Variants in TMEM135 observed in about 807,000 individuals in gnomAD.
TMEM135 encodes the protein transmembrane protein 135.
Under a neutral mutation model 60.3 loss-of-function variants are expected in TMEM135, and 30 were observed. That is an observed-to-expected ratio of 0.50 (90% confidence interval 0.37 to 0.68). TMEM135 has a LOEUF of 0.68. Ranked by LOEUF, TMEM135 falls within the 30% of genes least tolerant of loss-of-function variation. The probability of loss-of-function intolerance (pLI) is 0.00; values close to 1 mark genes in which losing one functional copy is unlikely to be tolerated. For missense variants in TMEM135, 468 were observed against 548.8 expected (o/e 0.85, Z 1.47); for synonymous variants, 190 against 186.7 (o/e 1.02, Z -0.14).
intron 5 of TMEM135, among the ~76,000 whole-genome samples, chr11:87,171,174 G>T (rs888007737): frequency 1.3e-5 from 2 of 152,134 alleles, no homozygotes; most frequent in Admixed American, 6.5e-5. Flanking sequence ...AAAGCAGGGT[G>T]GGTGGTGTCA....
intron 1 of TMEM135, among the ~76,000 whole-genome samples, chr11:87,046,923 C>T (rs1949801363): frequency 6.6e-6 from 1 of 152,108 alleles, no homozygotes; most frequent in South Asian, 2.1e-4. Flanking sequence ...GCATTGTGAC[C>T]TTGAGCAAGG....
At chr11:87,093,245 A>T (rs1205772381) in intron 4 of TMEM135, among the ~76,000 whole-genome samples, 4 of 151,870 alleles carry the variant, frequency 2.6e-5, no homozygotes, top group Non-Finnish European at 1.5e-5. Context: ...TTTTGGTCTC[A>T]TTGTATTGCC....
chr11:87,247,955 A>T (rs4944679), intron 6 of TMEM135, among the ~76,000 whole-genome samples: 1 of 150,760 alleles, frequency 6.6e-6, no homozygotes, highest in Non-Finnish European at 1.5e-5. Context: ...CGTCGCTCAC[A>T]CTGGGGGCTT....
chr11:87,091,079 A>T lies in TMEM135; in HGVS notation c.363-283A>T, dbSNP rs554978135. 7.2e-5 allele frequency among the ~76,000 whole-genome samples: 11 copies of T among 152,198 alleles called. No homozygotes were observed. The South Asian group carries it at 2.3e-3, about 32-fold the overall frequency. On this transcript the variant is annotated intron_variant, in intron 3 of 14. Transcript: ENST00000305494. Reference sequence around the variant, plus strand: ...AGTAGGAAATTATACCACTCTTGCCAATAACAAATAACAATGGGGAAATAG... The same window carrying T: ...AGTAGGAAATTATACCACTCTTGCCTATAACAAATAACAATGGGGAAATAG...
intron 14 of TMEM135, among the ~76,000 whole-genome samples, chr11:87,320,313 G>C (rs1942799710): frequency 1.3e-5 from 2 of 152,156 alleles, no homozygotes; most frequent in Admixed American, 1.3e-4. Flanking sequence ...AAACCAGGCA[G>C]TCTGGCTTCA....
chr11:87,245,130 G>A (rs1941235491), intron 6 of TMEM135, among the ~76,000 whole-genome samples: 1 of 141,622 alleles, frequency 7.1e-6, no homozygotes, highest in African/African-American at 2.7e-5. Context: ...TTCAGGAGCA[G>A]GTTGTTCAGT....
chr11:87,318,302 G>T, intron 13 of TMEM135, 67 bp downstream of exon 13: 2 of 1,097,792 alleles, frequency 1.8e-6, no homozygotes, highest in South Asian at 2.5e-5. Context: ...AATCAAATGG[G>T]AGAGAAACAA....
rs760213621 is a variant in TMEM135 at position 87,321,418 on chromosome 11, G to A, written c.*85G>A. On this transcript the variant is annotated 3_prime_UTR_variant, in exon 15 of 15. Coordinates refer to ENST00000305494, the MANE Select transcript of TMEM135 (RefSeq NM_022918.4). ...AACACAAAGGAGGGGGCCCAAGCTC[G>A]AACTTCAGTGTTATTTCAGTTAGAG... The A allele has an allele frequency of 3.5e-6, 5 of 1,409,922 alleles. No individual in the cohort carries two copies. Among genetic ancestry groups the A allele is most frequent in the South Asian group, 3.5e-5 (3 of 86,856 alleles). The allele number at this position is 1,409,922 out of a possible 1,614,324, so 87.3% of individuals were successfully genotyped here. A position where few individuals can be genotyped will look rare whatever the true frequency, so the allele number is the denominator to read the frequency against.
At position 87,309,672 on chromosome 11, in the gene TMEM135, G is replaced by T; in HGVS notation, c.936G>T (p.Lys312Asn). Residue 312 changes from lysine to asparagine, a missense_variant and splice_region_variant, in exon 10 of 15, where the codon AAG (lysine) becomes AAT (asparagine). Transcript: ENST00000305494. ...AFLGSFVSIYKGTSCFLRWIR... is the reference protein window; with the variant it reads ...AFLGSFVSIYNGTSCFLRWIR... ...TTGGCTCTTTTGTTAGTATATACAA[G>T]GTAAGGCTTTTAGAAGAGGAAAGAA... 6.2e-7 allele frequency: 1 copy of T among 1,612,920 alleles called. No individual in the cohort carries two copies. The highest frequency in any genetic ancestry group is 1.1e-5 in the South Asian group (1 of 91,040).
intron 13 of TMEM135, 122 bp downstream of exon 13, chr11:87,318,357 TTTTTG>T (rs903134090): frequency 1.1e-5 from 9 of 806,182 alleles, no homozygotes; most frequent in Non-Finnish European, 1.8e-5. Flanking sequence ...TTAAGCTTCT[TTTTTG>T]TTTTGTTTTG....
At chr11:87,169,593 T>G (rs1391594055) in intron 5 of TMEM135, among the ~76,000 whole-genome samples, 1 of 152,152 alleles carries the variant, frequency 6.6e-6, no homozygotes, top group East Asian at 1.9e-4. Flanking sequence ...AATTCTGGGT[T>G]GAAAATCTTT....
At position 87,309,669 on chromosome 11, in the gene TMEM135, C is replaced by G; in HGVS notation, c.933C>G (p.Tyr311Ter). Residue 311 changes from tyrosine (Y) to a stop codon, truncating the protein, a stop_gained, in exon 10 of 15, where the codon TAC (tyrosine) becomes TAG (stop). Transcript: ENST00000305494. LOFTEE classifies it high-confidence loss of function. ...GAFLGSFVSIYKGTSCFLRWI... is the reference protein window; with the variant it reads ...GAFLGSFVSI ...TTCTTGGCTCTTTTGTTAGTATATA[C>G]AAGGTAAGGCTTTTAGAAGAGGAAA... 1 of 1,613,068 alleles carries G rather than the reference C, an allele frequency of 6.2e-7. No homozygotes were observed. Among genetic ancestry groups the G allele is most frequent in the Non-Finnish European group, 8.5e-7 (1 of 1,179,522 alleles).
intron 4 of TMEM135, among the ~76,000 whole-genome samples, chr11:87,112,811 G>GT (rs1239916291): frequency 4.6e-5 from 7 of 150,920 alleles, no homozygotes; most frequent in African/African-American, 7.3e-5. Flanking sequence ...TATGATAAGG[G>GT]TTTTTTTTTC....
At chr11:87,315,622 C>G (rs564751362) in intron 12 of TMEM135, among the ~76,000 whole-genome samples, 3 of 151,974 alleles carry the variant, frequency 2.0e-5, no homozygotes, top group African/African-American at 7.2e-5. Flanking sequence ...TACTATTACT[C>G]TTTATTCTGT....
chr11:87,157,924 C>T (rs897638614), intron 5 of TMEM135: 4 of 153,310 alleles, frequency 2.6e-5, no homozygotes, highest in Admixed American at 2.6e-4. Flanking sequence ...TTTCTATCAC[C>T]TCACATACAT....
intron 6 of TMEM135, among the ~76,000 whole-genome samples, chr11:87,293,840 A>G (rs1046255632): frequency 1.3e-5 from 2 of 152,196 alleles, no homozygotes; most frequent in Admixed American, 6.5e-5. Flanking sequence ...ATGTATCTTT[A>G]TAGTAGAATG....
chr11:87,180,032 A>C (rs74393381), intron 5 of TMEM135, among the ~76,000 whole-genome samples: 3,632 of 152,228 alleles, frequency 0.024, 60 homozygotes, highest in Middle Eastern at 0.037. Context: ...TGCACAACAG[A>C]TGCAGACAGA....
At chr11:87,120,475 T>TTTTTTTTC (rs1279242499) in intron 4 of TMEM135, among the ~76,000 whole-genome samples, 11 of 142,136 alleles carry the variant, frequency 7.7e-5, no homozygotes, top group Non-Finnish European at 1.2e-4. Flanking sequence ...GAAATTTCTT[T>TTTTTTTTC]TTTTTTTTTT....
intron 5 of TMEM135, among the ~76,000 whole-genome samples, chr11:87,229,494 G>A (rs972591211): frequency 2.0e-5 from 3 of 152,146 alleles, no homozygotes; most frequent in Admixed American, 2.0e-4. Flanking sequence ...ACTAGTGTAA[G>A]GGAATAGCTA....
Sources: allele counts gnomAD v4.1 joint callset (sites outside exome capture counted in the v4.1 genomes callset), GRCh38; gene constraint gnomAD v4.1.1; transcripts MANE v1.5; gene names NCBI Gene and HGNC (gene_info 2026-07-23, HGNC 2026-07-21).